The following ACTR3C variants were observed in gnomAD, a reference collection of about 807,000 sequenced individuals.
ACTR3C encodes actin related protein 3C.
A neutral mutation model predicts 26.3 loss-of-function variants in ACTR3C; 18 were observed. The observed-to-expected ratio is 0.68, with a 90% CI of 0.47 to 1.01. The LOEUF is 1.01. ACTR3C is among the 50% of genes least tolerant of loss of function. ACTR3C has a pLI of 0.00. For missense variants in ACTR3C, 184 were observed against 250.7 expected (o/e 0.73, Z 1.80); for synonymous variants, 55 against 94.5 (o/e 0.58, Z 2.42).
the ACTR3C span, among the ~76,000 whole-genome samples, chr7:150,142,830 T>G: frequency 6.9e-6 from 1 of 144,988 alleles, no homozygotes; most frequent in Non-Finnish European, 1.5e-5. Flanking sequence ...CGCCTGGCTT[T>G]TTTTTGTTTT....
intron 6 of ACTR3C, among the ~76,000 whole-genome samples, chr7:150,253,552 T>C (rs1351866315): frequency 6.6e-6 from 1 of 152,186 alleles, no homozygotes; most frequent in African/African-American, 2.4e-5. Flanking sequence ...CATGCGTCTT[T>C]GGTTTTTTGT....
At chr7:150,216,178 G>GAATTTTAGA in the ACTR3C span, among the ~76,000 whole-genome samples, 1 of 151,994 alleles carries the variant, frequency 6.6e-6, no homozygotes, top group Non-Finnish European at 1.5e-5. Context: ...ATAGAGCGAA[G>GAATTTTAGA]AATTTTAGAT....
chr7:150,163,952 G>T, the ACTR3C span, among the ~76,000 whole-genome samples: 1 of 152,176 alleles, frequency 6.6e-6, no homozygotes, highest in Non-Finnish European at 1.5e-5. Context: ...TGTTGAATCT[G>T]GGCATCCTGT....
At chr7:149,899,901 C>CAAAAAAA in the ACTR3C span, among the ~76,000 whole-genome samples, 30 of 121,254 alleles carry the variant, frequency 2.5e-4, no homozygotes, top group South Asian at 1.4e-3. Context: ...AACTAAAGAC[C>CAAAAAAA]AAAAAAAAAA....
chr7:150,323,406 G>A (rs1797771985), intron 1 of ACTR3C, 63 bp downstream of exon 1: 5 of 304,852 alleles, frequency 1.6e-5, no homozygotes, highest in Non-Finnish European at 2.5e-5. Flanking sequence ...AAGTTGGGTG[G>A]TGGGCACGCG....
chr7:149,936,194 G>A, the ACTR3C span, among the ~76,000 whole-genome samples: 2 of 152,094 alleles, frequency 1.3e-5, no homozygotes, highest in Non-Finnish European at 2.9e-5. Flanking sequence ...GAAGTGAGTC[G>A]AATGTACATA....
chr7:150,051,188 C>T, the ACTR3C span, among the ~76,000 whole-genome samples: 1 of 151,556 alleles, frequency 6.6e-6, no homozygotes, highest in African/African-American at 2.4e-5. Flanking sequence ...TTGTGTTAAG[C>T]ACGGATACAC....
intron 7 of ACTR3C, chr7:150,248,358 G>C (rs1467722880): frequency 1.3e-5 from 2 of 151,788 alleles, no homozygotes; most frequent in African/African-American, 4.9e-5. Flanking sequence ...AGAGAAGCTG[G>C]CTATTAAAAA....
the ACTR3C span, among the ~76,000 whole-genome samples, chr7:150,176,565 T>G: frequency 3.3e-5 from 5 of 151,112 alleles, 1 homozygote; most frequent in East Asian, 9.6e-4. Context: ...TTCTTTTGAA[T>G]ACCTCTCCGG....
At chr7:150,031,584 G>A in the ACTR3C span, among the ~76,000 whole-genome samples, 3 of 150,382 alleles carry the variant, frequency 2.0e-5, no homozygotes, top group African/African-American at 7.3e-5. Context: ...CACTGATGTC[G>A]GTGGAACACA....
At chr7:149,888,056 C>T in the ACTR3C span, among the ~76,000 whole-genome samples, 1 of 152,134 alleles carries the variant, frequency 6.6e-6, no homozygotes, top group Admixed American at 6.5e-5. Flanking sequence ...CAGACTAATA[C>T]AGGCCAGCTG....
At chr7:149,939,232 G>A in the ACTR3C span, among the ~76,000 whole-genome samples, 7 of 152,064 alleles carry the variant, frequency 4.6e-5, no homozygotes, top group Non-Finnish European at 7.4e-5. Context: ...CACCTGCCTC[G>A]GCCTCCCAAA....
chr7:150,019,421 A>G, the ACTR3C span, among the ~76,000 whole-genome samples: 4 of 148,948 alleles, frequency 2.7e-5, no homozygotes, highest in South Asian at 8.4e-4. Context: ...GTGAAACCCC[A>G]TCTCTACTAA....
chr7:149,904,336 C>T, the ACTR3C span, among the ~76,000 whole-genome samples: 1 of 151,046 alleles, frequency 6.6e-6, no homozygotes, highest in Non-Finnish European at 1.5e-5. Context: ...TCAAGACCAG[C>T]CTGGCCAACA....
At chr7:150,296,273 C>T (rs1452551214) in intron 1 of ACTR3C, among the ~76,000 whole-genome samples, 8 of 149,892 alleles carry the variant, frequency 5.3e-5, no homozygotes, top group African/African-American at 1.3e-4. Flanking sequence ...ACTTGAGCCT[C>T]GGAGGTGAAG....
chr7:150,107,892 G>T, the ACTR3C span, among the ~76,000 whole-genome samples: 2 of 151,998 alleles, frequency 1.3e-5, no homozygotes, highest in Non-Finnish European at 2.9e-5. Context: ...AGACAAAAAC[G>T]TTTAGAGCTT....
chr7:149,937,652 A>C, the ACTR3C span, among the ~76,000 whole-genome samples: 1 of 152,152 alleles, frequency 6.6e-6, no homozygotes, highest in Admixed American at 6.5e-5. Context: ...CTGAAGAAAC[A>C]GGAACCGAAG....
the ACTR3C span, among the ~76,000 whole-genome samples, chr7:150,035,692 G>C: frequency 3.6e-5 from 5 of 137,132 alleles, no homozygotes; most frequent in East Asian, 2.2e-4. Context: ...CTTAGGATCA[G>C]CGATGGGGGT....
the ACTR3C span, among the ~76,000 whole-genome samples, chr7:150,128,791 C>T: frequency 2.6e-4 from 40 of 151,990 alleles, 1 homozygote; most frequent in Non-Finnish European, 5.4e-4. Context: ...GAAAAATACA[C>T]GAATGATGTG....
Sources: allele counts gnomAD v4.1 joint callset (sites outside exome capture counted in the v4.1 genomes callset), GRCh38; gene constraint gnomAD v4.1.1; transcripts MANE v1.5; gene names NCBI Gene and HGNC (gene_info 2026-07-23, HGNC 2026-07-21).